The following PUS10 variants were observed in gnomAD, a reference collection of about 807,000 sequenced individuals.
PUS10 encodes pseudouridine synthase 10.
PUS10 carries 59 observed loss-of-function variants against 75.0 expected under a neutral mutation model. The ratio of observed to expected loss-of-function variants is 0.79; its 90% confidence interval spans 0.64 to 0.98. The LOEUF (loss-of-function observed/expected upper bound fraction) is 0.98, where lower values mean the gene tolerates loss of function less well. Ranked by LOEUF, PUS10 falls within the 50% of genes least tolerant of loss-of-function variation. The pLI is 0.00. For synonymous variants in PUS10, 219 were observed against 211.6 expected, an observed-to-expected ratio of 1.03 and a Z score of -0.30; for missense variants, 650 against 614.4, an observed-to-expected ratio of 1.06 and a Z score of -0.61.
At chr2:60,953,894 C>CTTTA (rs765236755) in intron 14 of PUS10, 39 bp downstream of exon 14, 3 of 1,549,840 alleles carry the variant, frequency 1.9e-6, no homozygotes, top group Non-Finnish European at 1.8e-6. Flanking sequence ...GCAACTAAAA[C>CTTTA]GTCCCTTTTG....
intron 1 of PUS10, among the ~76,000 whole-genome samples, chr2:61,012,834 CAAAAAAAAAA>C (rs70959885): frequency 2.3e-4 from 7 of 30,166 alleles, no homozygotes; most frequent in African/African-American, 1.1e-3. Context: ...AACTCCGTCT[CAAAAAAAAAA>C]AAAAAAAAAA....
At chr2:60,957,316 G>A (rs1199731250) in intron 11 of PUS10, among the ~76,000 whole-genome samples, 6 of 152,196 alleles carry the variant, frequency 3.9e-5, no homozygotes, top group Admixed American at 2.0e-4. Context: ...CCTGGAACGC[G>A]ATGCACAAGC....
At chr2:61,004,292 T>C (rs1679052960) in intron 4 of PUS10, among the ~76,000 whole-genome samples, 1 of 151,984 alleles carries the variant, frequency 6.6e-6, no homozygotes, top group South Asian at 2.1e-4. Context: ...GCACAGCATA[T>C]CTCAACTCCA....
At chr2:60,974,131 C>T (rs530005091) in intron 4 of PUS10, among the ~76,000 whole-genome samples, 6 of 151,700 alleles carry the variant, frequency 4.0e-5, no homozygotes, top group Admixed American at 1.3e-4. Flanking sequence ...GAACACTTAT[C>T]GGGACACCCT....
rs1680137501 is a variant in PUS10 at position 61,018,123 on chromosome 2, G to A, written c.-131C>T. ...GTCTCTGTGCTTGAAAGAAAGGGGG[G>A]CGGCTTCCTACCTACCGCTTCTGTT... On this transcript the variant is annotated 5_prime_UTR_variant, in exon 1 of 18. Coordinates refer to ENST00000316752, the MANE Select transcript of PUS10 (RefSeq NM_144709.4). 1.1e-5 allele frequency: 17 copies of A among 1,547,750 alleles called. No individual in the cohort carries two copies. Among genetic ancestry groups the A allele is most frequent in the Non-Finnish European group, 1.4e-5 (16 of 1,145,684 alleles).
At chr2:60,942,776 A>G (rs971071245) in intron 17 of PUS10, among the ~76,000 whole-genome samples, 1 of 152,158 alleles carries the variant, frequency 6.6e-6, no homozygotes, top group Admixed American at 6.5e-5. Context: ...AGGCCGATCA[A>G]TTATATAGAT....
chr2:60,984,123 G>T (rs1677576877), intron 4 of PUS10, among the ~76,000 whole-genome samples: 1 of 152,116 alleles, frequency 6.6e-6, no homozygotes, highest in African/African-American at 2.4e-5. Flanking sequence ...AGATAAATTT[G>T]TTCCTAGATG....
rs141963314 is a variant in PUS10 at position 60,954,117 on chromosome 2, G to A, written c.1099C>T (p.His367Tyr). The change falls in exon 13 of 18, where the codon CAT becomes TAT. Residue 367 changes from histidine (H) to tyrosine (Y), a missense_variant. By Grantham distance (83) the His-to-Tyr change is moderately conservative. Coordinates refer to ENST00000316752, the MANE Select transcript of PUS10 (RefSeq NM_144709.4). ...TCCTTAATTTCTTGTGAAGTGAAAT[G>A]TACTCTATGAGGATTCACCAGCTCA... is the stretch of plus-strand genomic sequence containing the variant. ...AIELVNPHRV[H>Y]FTSQEIKELQ... The A allele has an allele frequency of 7.4e-6, 12 of 1,614,176 alleles. No individual in the cohort carries two copies. In the African/African-American group the frequency reaches 1.6e-4, roughly 22 times the overall value.
intron 4 of PUS10, among the ~76,000 whole-genome samples, chr2:60,991,647 G>A (rs186175177): frequency 1.1e-4 from 17 of 152,192 alleles, no homozygotes; most frequent in Non-Finnish European, 2.1e-4. Context: ...GTAGAAATGG[G>A]AGTACCAATT....
chr2:61,015,684 G>A (rs950382140), intron 1 of PUS10, among the ~76,000 whole-genome samples: 8 of 152,176 alleles, frequency 5.3e-5, no homozygotes, highest in Non-Finnish European at 1.2e-4. Context: ...GGGCAACAGA[G>A]CGAGACTCCA....
chr2:60,980,715 C>T (rs752709636), intron 4 of PUS10, among the ~76,000 whole-genome samples: 13 of 152,040 alleles, frequency 8.6e-5, no homozygotes, highest in Non-Finnish European at 1.5e-4. Flanking sequence ...TGTGTAAAAA[C>T]AAAAATGCAT....
intron 15 of PUS10, among the ~76,000 whole-genome samples, chr2:60,950,478 C>T (rs368866380): frequency 9.2e-5 from 14 of 152,116 alleles, no homozygotes; most frequent in East Asian, 1.9e-4. Flanking sequence ...AGTGCTGTGG[C>T]GCGATCTCAG....
At chr2:61,000,996 C>T (rs911548745) in intron 4 of PUS10, among the ~76,000 whole-genome samples, 1 of 152,164 alleles carries the variant, frequency 6.6e-6, no homozygotes, top group African/African-American at 2.4e-5. Context: ...GTGGAGCATT[C>T]GTTCTCCCTT....
At chr2:60,961,819 A>C (rs918071395) in intron 9 of PUS10, among the ~76,000 whole-genome samples, 1 of 152,192 alleles carries the variant, frequency 6.6e-6, no homozygotes. Context: ...CACCAACCTA[A>C]TACTTTCCAA....
At chr2:60,947,402 G>A (rs1675012752) in intron 16 of PUS10, among the ~76,000 whole-genome samples, 1 of 152,180 alleles carries the variant, frequency 6.6e-6, no homozygotes, top group Non-Finnish European at 1.5e-5. Context: ...TGCAAAAAAT[G>A]TCAAGACAGC....
intron 4 of PUS10, among the ~76,000 whole-genome samples, chr2:60,978,977 G>C (rs548987250): frequency 1.3e-5 from 2 of 152,094 alleles, no homozygotes; most frequent in South Asian, 4.2e-4. Flanking sequence ...ACATCTCTTG[G>C]ACTCATTTAT....
At chr2:61,017,732 G>A (rs2104786755) in intron 1 of PUS10, 1 of 1,540,378 alleles carries the variant, frequency 6.5e-7, no homozygotes, top group Non-Finnish European at 8.8e-7. Flanking sequence ...TCAGGGGTAG[G>A]AGCGGGAGCC....
At chr2:60,999,679 A>G (rs1558975156) in intron 4 of PUS10, among the ~76,000 whole-genome samples, 1 of 152,204 alleles carries the variant, frequency 6.6e-6, no homozygotes, top group Admixed American at 6.5e-5. Flanking sequence ...TTAGAGTTGA[A>G]AAGGCTTAAG....
chr2:60,977,288 G>T (rs1181304300), intron 4 of PUS10, among the ~76,000 whole-genome samples: 1 of 152,138 alleles, frequency 6.6e-6, no homozygotes, highest in African/African-American at 2.4e-5. Context: ...AAAATGGTGT[G>T]TTGCAAAACT....
Sources: allele counts gnomAD v4.1 joint callset (sites outside exome capture counted in the v4.1 genomes callset), GRCh38; gene constraint gnomAD v4.1.1; transcripts MANE v1.5; gene names NCBI Gene and HGNC (gene_info 2026-07-23, HGNC 2026-07-21).